OGA: variants seen among roughly 807,000 people sequenced by gnomAD.
OGA encodes O-GlcNAcase.
Under a neutral mutation model 102.0 loss-of-function variants are expected in OGA, and 21 were observed. The ratio of observed to expected loss-of-function variants is 0.21; its 90% CI spans 0.15 to 0.30. The LOEUF is 0.30. OGA is among the 10% of genes least tolerant of loss of function. The pLI, the probability that OGA is intolerant of heterozygous loss-of-function variation, is 1.00. For synonymous variants in OGA, 408 were observed against 378.2 expected, an observed-to-expected ratio of 1.08 and a Z score of -0.91; for missense variants, 765 against 1,107.8, an observed-to-expected ratio of 0.69 and a Z score of 4.39.
Position 101,798,886 on chromosome 10 carries a change from T to C in OGA, c.1765A>G (p.Ser589Gly), listed in dbSNP as rs745725869. The C allele has an allele frequency of 6.2e-7, 1 of 1,614,190 alleles. No homozygotes were observed. The highest frequency in any genetic ancestry group is 2.2e-5 in the East Asian group (1 of 44,892). Residue 589 changes from serine to glycine, a missense_variant, in exon 9 of 16, where the codon AGT becomes GGT. By Grantham distance (56) the Ser-to-Gly change is moderately conservative. Coordinates refer to ENST00000361464, the MANE Select transcript of OGA (RefSeq NM_012215.5). ...LREFQWLRAN[S>G]SVVSVNCKGK... ...TTGCAATTGACACTGACAACACTAC[T>C]ATTTGCTCGAAGCCATTGAAATTCC...
chr10:101,784,668 A>T lies in OGA; in HGVS notation c.*1783T>A, dbSNP rs1018725820. 3.3e-5 allele frequency: 5 copies of T among 152,288 alleles called. No individual in the cohort carries two copies. 9.4% of individuals were successfully genotyped at this position (152,288 alleles called of 1,614,324 possible). A position where few individuals can be genotyped will look rare whatever the true frequency, so the allele number is the denominator to read the frequency against. Reference sequence around the variant, plus strand: ...ACCAGACCAGCCAACATGATTACTAAAAGCCAAGATAAAACCAAAAGCAAA... The same window carrying T: ...ACCAGACCAGCCAACATGATTACTATAAGCCAAGATAAAACCAAAAGCAAA... On this transcript the variant is annotated 3_prime_UTR_variant, in exon 16 of 16. Transcript: ENST00000361464.
chr10:101,796,743 G>A (rs1208259442), intron 10 of OGA, among the ~76,000 whole-genome samples: 1 of 151,886 alleles, frequency 6.6e-6, no homozygotes, highest in Non-Finnish European at 1.5e-5. Context: ...GCTAATTTTT[G>A]TATTTTTTTA....
intron 4 of OGA, among the ~76,000 whole-genome samples, chr10:101,809,777 C>G (rs1372603182): frequency 6.7e-6 from 1 of 149,470 alleles, no homozygotes; most frequent in Non-Finnish European, 1.5e-5. Context: ...AAATAAAAAA[C>G]CAGGCATGGT....
chr10:101,806,796 G>A (rs1287392130), intron 5 of OGA, among the ~76,000 whole-genome samples: 1 of 152,116 alleles, frequency 6.6e-6, no homozygotes, highest in African/African-American at 2.4e-5. Context: ...AATGGCAGCT[G>A]GGCACAGTGG....
In OGA at chr10:101,818,336, C is replaced by G; in HGVS notation, c.-314G>C. The G allele has an allele frequency of 8.8e-7, 1 of 1,141,524 alleles. No homozygotes were observed. The allele number at this position is 1,141,524 out of a possible 1,614,324, so 70.7% of individuals were successfully genotyped here. ...GACGGCCAAGGGTCCTGTCCTCGTT[C>G]TCTGCCTCTGCTGCCCTCCCGATAA... On this transcript the variant is annotated 5_prime_UTR_variant, in exon 1 of 16. Coordinates refer to ENST00000361464, the MANE Select transcript of OGA (RefSeq NM_012215.5).
At chr10:101,811,365 G>A (rs550470912) in intron 3 of OGA, among the ~76,000 whole-genome samples, 2 of 127,874 alleles carry the variant, frequency 1.6e-5, no homozygotes, top group Admixed American at 1.9e-4. Flanking sequence ...CCCCAGTCTG[G>A]ACGACACAGC....
intron 3 of OGA, among the ~76,000 whole-genome samples, chr10:101,810,915 T>A (rs922898094): frequency 9.9e-5 from 15 of 152,198 alleles, no homozygotes; most frequent in African/African-American, 3.6e-4. Flanking sequence ...GGTCTCGAAC[T>A]CCTGGCCTCA....
chr10:101,798,606 G>A (rs894702876), intron 9 of OGA, among the ~76,000 whole-genome samples: 1 of 151,870 alleles, frequency 6.6e-6, no homozygotes, highest in Non-Finnish European at 1.5e-5. Flanking sequence ...TACAGATGGG[G>A]TTTCACCATG....
At position 101,818,074 on chromosome 10, in the gene OGA, C is replaced by T; in HGVS notation, c.-52G>A. On this transcript the variant is annotated 5_prime_UTR_variant, in exon 1 of 16. Coordinates refer to ENST00000361464, the MANE Select transcript of OGA (RefSeq NM_012215.5). ...CTGCGGGTCCTCCTCGACCTCTGTC[C>T]GTTGGGGCACCGGCCCGGAGCCCTG... 3 of 1,485,342 alleles carry T rather than the reference C, an allele frequency of 2.0e-6. No individual in the cohort carries two copies. Among genetic ancestry groups the T allele is most frequent in the Middle Eastern group, 1.8e-4 (1 of 5,456 alleles). 92.0% of individuals were successfully genotyped at this position (1,485,342 alleles called of 1,614,324 possible).
chr10:101,798,800 AAC>A, intron 9 of OGA, 40 bp downstream of exon 9: 1 of 1,574,720 alleles, frequency 6.4e-7, no homozygotes, highest in African/African-American at 1.4e-5. Flanking sequence ...CAGTATGGGG[AAC>A]CACCCAGGCT....
At position 101,818,363 on chromosome 10, in the gene OGA, C is replaced by G; in HGVS notation, c.-341G>C. ...CTGCCTCTGCTGCCCTCCCGATAAT[C>G]TTAGGTCTTCCGCTGTTTCCCCTCC... is the stretch of plus-strand genomic sequence containing the variant. On this transcript the variant is annotated 5_prime_UTR_variant, in exon 1 of 16. Coordinates refer to ENST00000361464, the MANE Select transcript of OGA (RefSeq NM_012215.5). The G allele has an allele frequency of 9.3e-7, 1 of 1,075,432 alleles. No individual in the cohort carries two copies. The highest frequency in any genetic ancestry group is 1.1e-6 in the Non-Finnish European group (1 of 886,488). The allele number at this position is 1,075,432 out of a possible 1,614,324, so 66.6% of individuals were successfully genotyped here. A position where few individuals can be genotyped will look rare whatever the true frequency, so the allele number is the denominator to read the frequency against.
chr10:101,804,105 G>A (rs1217390902), intron 6 of OGA, 86 bp from the exon 7 acceptor site: 1 of 1,282,466 alleles, frequency 7.8e-7, no homozygotes, highest in African/African-American at 1.5e-5. Context: ...AGCACTCTGG[G>A]AGGCAGAGGT....
Position 101,808,420 on chromosome 10 carries a change from G to A in OGA, c.481-519C>T, listed in dbSNP as rs575331735. Among the ~76,000 whole-genome samples the A allele has an allele frequency of 1.2e-3, 178 of 152,224 alleles. 1 individual carries two copies. The highest frequency in any genetic ancestry group is 4.0e-3 in the African/African-American group (165 of 41,532). On this transcript the variant is annotated intron_variant, in intron 4 of 15. Transcript: ENST00000361464. ...GACCCAACAAAGTCAGAAAAATACA[G>A]AAACATGAGTAAGTAACCTTAAGAC...
At chr10:101,814,851 G>A (rs549798819) in intron 1 of OGA, among the ~76,000 whole-genome samples, 1 of 152,320 alleles carries the variant, frequency 6.6e-6, no homozygotes, top group South Asian at 2.1e-4. Context: ...ACACACTGCA[G>A]AAAACAAACT....
At chr10:101,804,143 G>A (rs978555516) in intron 6 of OGA, 124 bp from the exon 7 acceptor site, 33 of 721,660 alleles carry the variant, frequency 4.6e-5, no homozygotes, top group Middle Eastern at 4.1e-4. Context: ...CCAGGAGTTC[G>A]GACCAGCCTG....
chr10:101,795,970 C>T (rs2065310753), intron 10 of OGA: 2 of 872,214 alleles, frequency 2.3e-6, no homozygotes, highest in Admixed American at 6.2e-5. Context: ...CAGAGATAAA[C>T]CCTGAGAAGA....
rs761198071 is a variant in OGA at position 101,817,964 on chromosome 10, T to C, written c.59A>G (p.Asn20Ser). The C allele has an allele frequency of 2.5e-6, 4 of 1,604,132 alleles. No individual in the cohort carries two copies. The highest frequency in any genetic ancestry group is 3.4e-6 in the Non-Finnish European group (4 of 1,175,390). Residue 20 changes from asparagine to serine, a missense_variant, in exon 1 of 16, where the codon AAC becomes AGC. This residue lies in a region of OGA where 117 missense variants were observed against 85.7 expected (regional missense o/e 1.36). Coordinates refer to ENST00000361464, the MANE Select transcript of OGA (RefSeq NM_012215.5). ...CGATGCCCCCGCAGAGGCGGCAGGG[T>C]TGGAGCTGAGCTCGCTCTCCCGCTC... ...LEERESELSSNPAASAGASLE... is the reference protein window; with the variant it reads ...LEERESELSSSPAASAGASLE...
At chr10:101,792,793 G>T (rs1412513988) in intron 12 of OGA, 46 bp downstream of exon 12, 2 of 1,355,672 alleles carry the variant, frequency 1.5e-6, no homozygotes, top group Non-Finnish European at 2.1e-6. Context: ...AGTTTTAAGT[G>T]TGCACCATAC....
At chr10:101,807,006 A>G (rs2065484995) in intron 5 of OGA, among the ~76,000 whole-genome samples, 1 of 152,234 alleles carries the variant, frequency 6.6e-6, no homozygotes, top group Non-Finnish European at 1.5e-5. Context: ...TTAAAGGCAT[A>G]TACCAATGGC....
Sources: allele counts gnomAD v4.1 joint callset (sites outside exome capture counted in the v4.1 genomes callset), GRCh38; gene constraint gnomAD v4.1.1; regional missense constraint gnomAD v4.1.1; transcripts MANE v1.5; gene names NCBI Gene and HGNC (gene_info 2026-07-23, HGNC 2026-07-21).